RNF150: variants seen among roughly 807,000 people sequenced by gnomAD.
RNF150 encodes ring finger protein 150.
Under a neutral mutation model 39.3 loss-of-function variants are expected in RNF150, and 24 were observed. The observed-to-expected ratio is 0.61, with a 90% CI of 0.44 to 0.86. The LOEUF (loss-of-function observed/expected upper bound fraction) is 0.86, where lower values mean the gene tolerates loss of function less well. RNF150 is among the 40% of genes least tolerant of loss of function. The probability of loss-of-function intolerance (pLI) is 0.00; values close to 1 mark genes in which losing one functional copy is unlikely to be tolerated. For missense variants in RNF150, 502 were observed against 587.8 expected (o/e 0.85, Z 1.51); for synonymous variants, 255 against 227.3 (o/e 1.12, Z -1.10).
intron 1 of RNF150, among the ~76,000 whole-genome samples, chr4:141,022,188 C>G (rs1196161576): frequency 6.6e-6 from 1 of 152,110 alleles, no homozygotes; most frequent in Admixed American, 6.5e-5. Flanking sequence ...TGAACCAAGT[C>G]TTATAATCTC....
At chr4:140,890,593 C>G (rs1032965707) in intron 6 of RNF150, among the ~76,000 whole-genome samples, 3 of 152,186 alleles carry the variant, frequency 2.0e-5, no homozygotes, top group Admixed American at 2.0e-4. Context: ...CTGGAGTTCA[C>G]TCTCTCATCT....
chr4:140,947,575 G>A, intron 4 of RNF150, 79 bp downstream of exon 4: 3 of 948,890 alleles, frequency 3.2e-6, no homozygotes, highest in Non-Finnish European at 3.4e-6. Flanking sequence ...ACTATGCCCA[G>A]CAGGTCGGGG....
intron 1 of RNF150, among the ~76,000 whole-genome samples, chr4:141,040,038 C>T (rs1421991911): frequency 2.0e-5 from 3 of 152,112 alleles, no homozygotes; most frequent in Non-Finnish European, 4.4e-5. Context: ...GCTCCTTTTT[C>T]CTTCTCCATG....
chr4:140,903,179 C>G (rs1040759980), intron 6 of RNF150, among the ~76,000 whole-genome samples: 1 of 152,162 alleles, frequency 6.6e-6, no homozygotes, highest in Non-Finnish European at 1.5e-5. Context: ...AACTGGAGGC[C>G]AAACCAGGAC....
chr4:141,101,582 AATAC>A lies in RNF150; in HGVS notation c.484+30739_484+30742del, dbSNP rs372556582. Among the ~76,000 whole-genome samples, 55 of 152,312 alleles carry A rather than the reference AATAC, an allele frequency of 3.6e-4. No individual in the cohort carries two copies. In the East Asian group the frequency reaches 9.8e-3, roughly 27 times the overall value. On this transcript the variant is annotated intron_variant, in intron 1 of 6. Coordinates refer to ENST00000515673, the MANE Select transcript of RNF150 (RefSeq NM_020724.2). ...TAAAATAATAATAAATAGTACAATA[AATAC>A]ATAAATCTGTAACATAGCTTTATTA...
At chr4:140,951,927 AT>A (rs202075372) in intron 2 of RNF150, among the ~76,000 whole-genome samples, 3,286 of 151,480 alleles carry the variant, frequency 0.022, 66 homozygotes, top group African/African-American at 0.05. Context: ...ACTTAAAAAA[AT>A]TTTTTTTGAA....
intron 6 of RNF150, among the ~76,000 whole-genome samples, chr4:140,880,959 A>T (rs927944963): frequency 6.6e-6 from 1 of 152,088 alleles, no homozygotes; most frequent in Admixed American, 6.6e-5. Context: ...TTCAAAACAC[A>T]AATTCTAAGT....
intron 1 of RNF150, among the ~76,000 whole-genome samples, chr4:141,106,305 T>C (rs1453902570): frequency 6.6e-6 from 1 of 152,202 alleles, no homozygotes; most frequent in Non-Finnish European, 1.5e-5. Flanking sequence ...CTTGCTGTCT[T>C]TTCTAGCTAG....
chr4:141,045,505 T>C (rs1396355197), intron 1 of RNF150, among the ~76,000 whole-genome samples: 2 of 152,210 alleles, frequency 1.3e-5, no homozygotes, highest in East Asian at 1.9e-4. Flanking sequence ...TCTTTTTTTA[T>C]ATTTAGGAAC....
chr4:141,072,274 A>G (rs1241236296), intron 1 of RNF150, among the ~76,000 whole-genome samples: 2 of 152,320 alleles, frequency 1.3e-5, no homozygotes, highest in East Asian at 3.9e-4. Flanking sequence ...CCACTAACCA[A>G]TCTTCTACCC....
At chr4:141,053,478 G>A (rs1212493194) in intron 1 of RNF150, among the ~76,000 whole-genome samples, 1 of 152,160 alleles carries the variant, frequency 6.6e-6, no homozygotes, top group East Asian at 1.9e-4. Flanking sequence ...AGGACAGAGT[G>A]TGGGATGAGG....
intron 1 of RNF150, among the ~76,000 whole-genome samples, chr4:141,081,427 A>G (rs1738143507): frequency 6.6e-6 from 1 of 152,242 alleles, no homozygotes; most frequent in Admixed American, 6.5e-5. Flanking sequence ...CCTAAAGACC[A>G]GTGCTTCCAT....
intron 1 of RNF150, among the ~76,000 whole-genome samples, chr4:141,025,386 G>C (rs1455545024): frequency 1.3e-5 from 2 of 152,090 alleles, no homozygotes; most frequent in East Asian, 3.9e-4. Context: ...TAAATGGTGT[G>C]TAATCCCATA....
rs569852786 is a variant in RNF150, at chr4:141,093,206, T to C, written c.484+39119A>G. Reference sequence around the variant, plus strand: ...ACAGTGAAACCCCATCTCTACTAAATACACGAAGAATTGGCCGGGCATGGT... The same window carrying C: ...ACAGTGAAACCCCATCTCTACTAAACACACGAAGAATTGGCCGGGCATGGT... On this transcript the variant is annotated intron_variant, in intron 1 of 6. Transcript: ENST00000515673. Among the ~76,000 whole-genome samples the C allele has an allele frequency of 1.6e-4, 25 of 152,018 alleles. No individual in the cohort carries two copies. In the South Asian group the frequency reaches 3.3e-3, roughly 20 times the overall value.
chr4:141,066,106 G>A (rs1208396159), intron 1 of RNF150, among the ~76,000 whole-genome samples: 1 of 151,852 alleles, frequency 6.6e-6, no homozygotes, highest in East Asian at 2.0e-4. Flanking sequence ...TGTTCCATTT[G>A]GAGAGGGATG....
Position 140,863,308 on chromosome 4 carries a change from G to A in RNF150, c.*4953C>T, listed in dbSNP as rs772490294. 1 of 152,142 alleles carries A rather than the reference G, an allele frequency of 6.6e-6. No homozygotes were observed. Among genetic ancestry groups the A allele is most frequent in the Non-Finnish European group, 1.5e-5 (1 of 68,036 alleles). 9.4% of individuals were successfully genotyped at this position (152,142 alleles called of 1,614,324 possible). ...CATTATTTGCCCAGAAAACATTTAT[G>A]GCAAGGAAGCCTGAAAACATGGCAA... is the stretch of plus-strand genomic sequence containing the variant. On this transcript the variant is annotated 3_prime_UTR_variant, in exon 7 of 7. Coordinates refer to ENST00000515673, the MANE Select transcript of RNF150 (RefSeq NM_020724.2).
intron 6 of RNF150, among the ~76,000 whole-genome samples, chr4:140,882,696 A>T (rs895627767): frequency 6.6e-6 from 1 of 152,114 alleles, no homozygotes; most frequent in Non-Finnish European, 1.5e-5. Context: ...CTCTTGTGAC[A>T]GTTGTTTACT....
intron 1 of RNF150, among the ~76,000 whole-genome samples, chr4:140,999,946 A>G (rs1374729940): frequency 3.9e-5 from 1 of 25,600 alleles, no homozygotes; most frequent in Non-Finnish European, 1.1e-4. Flanking sequence ...TCAAAAAAAG[A>G]AGAAGAAGAA....
At chr4:141,019,670 A>G (rs190101907) in intron 1 of RNF150, among the ~76,000 whole-genome samples, 1 of 152,210 alleles carries the variant, frequency 6.6e-6, no homozygotes, top group African/African-American at 2.4e-5. Context: ...AAACCTTTCC[A>G]CATTTCCAAG....
Sources: allele counts gnomAD v4.1 joint callset (sites outside exome capture counted in the v4.1 genomes callset), GRCh38; gene constraint gnomAD v4.1.1; transcripts MANE v1.5; gene names NCBI Gene and HGNC (gene_info 2026-07-23, HGNC 2026-07-21).